Variants in SLIT3 observed in about 807,000 individuals in gnomAD.
SLIT3 encodes the protein slit homolog 3 protein.
In SLIT3, 68 loss-of-function variants were observed where a neutral mutation model predicts 184.0. The observed-to-expected ratio is 0.37, with a 90% CI of 0.30 to 0.45. The LOEUF (loss-of-function observed/expected upper bound fraction) is 0.45. SLIT3 is among the 20% of genes least tolerant of loss of function. The pLI is 1.00. For synonymous variants in SLIT3, 831 were observed against 828.6 expected (o/e 1.00, Z -0.05); for missense variants, 1,707 against 2,026.0 (o/e 0.84, Z 3.02).
intron 9 of SLIT3, among the ~76,000 whole-genome samples, chr5:168,804,142 A>T (rs986927760): frequency 6.6e-6 from 1 of 151,730 alleles, no homozygotes; most frequent in Non-Finnish European, 1.5e-5. Flanking sequence ...CCCCGTCTCT[A>T]CTAAAAGTAC....
intron 4 of SLIT3, among the ~76,000 whole-genome samples, chr5:169,015,482 G>A (rs1332561241): frequency 3.3e-5 from 5 of 152,212 alleles, no homozygotes; most frequent in South Asian, 2.1e-4. Flanking sequence ...AGCAGTGTCC[G>A]CTGCAACTGT....
intron 4 of SLIT3, among the ~76,000 whole-genome samples, chr5:168,972,853 T>C (rs1479030788): frequency 6.6e-6 from 1 of 152,236 alleles, no homozygotes; most frequent in African/African-American, 2.4e-5. Context: ...TCTCTCCTTC[T>C]GTTCGCAGGT....
intron 4 of SLIT3, among the ~76,000 whole-genome samples, chr5:169,114,753 T>A (rs988047630): frequency 1.3e-5 from 2 of 152,188 alleles, no homozygotes; most frequent in African/African-American, 4.8e-5. Context: ...GGAGGCCTGC[T>A]CTCACCACCT....
At chr5:168,713,498 G>C (rs909519142) in intron 23 of SLIT3, among the ~76,000 whole-genome samples, 2 of 152,128 alleles carry the variant, frequency 1.3e-5, no homozygotes, top group African/African-American at 2.4e-5. Context: ...AAACTCAAAG[G>C]CTTCTTTAGT....
rs149948210 is a variant in SLIT3, at chr5:169,224,487, C to A, written c.341+20218G>T. ...GAGTCAAGTGATCCTCCCACCTCAA[C>A]TTTCCAAGTAGCTGAGACTACAAGC... On this transcript the variant is annotated intron_variant, in intron 3 of 35. Transcript: ENST00000519560. Among the ~76,000 whole-genome samples, 524 of 151,878 alleles carry A rather than the reference C, an allele frequency of 3.5e-3. 2 individuals carry two copies. The highest frequency in any genetic ancestry group is 0.012 in the African/African-American group (500 of 41,400).
At position 169,089,011 on chromosome 5, in the gene SLIT3, C is replaced by T. The variant is rs535873603; in HGVS notation, c.413+104468G>A. Among the ~76,000 whole-genome samples, 5 of 60,654 alleles carry T rather than the reference C, an allele frequency of 8.2e-5. No homozygotes were observed. In the East Asian group the frequency reaches 2.7e-3, roughly 32 times the overall value. 39.8% of individuals were successfully genotyped at this position (60,654 alleles called of 152,430 possible). ...CTCCAGCCTGGGAGACAGAGCAAGA[C>T]TCCATCTCAAAAAAAAAAAAAAAAA... On this transcript the variant is annotated intron_variant, in intron 4 of 35. Transcript: ENST00000519560.
At chr5:169,183,703 C>G (rs1370614858) in intron 4 of SLIT3, among the ~76,000 whole-genome samples, 2 of 152,266 alleles carry the variant, frequency 1.3e-5, no homozygotes, top group South Asian at 2.1e-4. Context: ...CTTAAGCCAC[C>G]CTTCCAAAGA....
At chr5:168,726,371 G>GGA (rs1763110777) in intron 20 of SLIT3, among the ~76,000 whole-genome samples, 1 of 79,896 alleles carries the variant, frequency 1.3e-5, no homozygotes, top group Non-Finnish European at 2.9e-5. Context: ...AGGGAGGCAG[G>GGA]GAGGGAGAGG....
intron 29 of SLIT3, among the ~76,000 whole-genome samples, chr5:168,691,288 G>C (rs1382426391): frequency 6.6e-6 from 1 of 152,206 alleles, no homozygotes; most frequent in Non-Finnish European, 1.5e-5. Flanking sequence ...GATTCTAAGA[G>C]CTTACAAGTT....
At chr5:168,771,512 C>T (rs565533863) in intron 14 of SLIT3, among the ~76,000 whole-genome samples, 1 of 152,278 alleles carries the variant, frequency 6.6e-6, no homozygotes, top group East Asian at 1.9e-4. Context: ...GCAAAGGGCT[C>T]TCCTACTGAC....
Position 168,752,941 on chromosome 5 carries a change from C to G in SLIT3, c.1973+14G>C. ...ATCCCAGAGTCCGTGGGCAGTGGAC[C>G]CAGGAGAACTTACATGGTGGACAGG... is the stretch of plus-strand genomic sequence containing the variant. On this transcript the variant is annotated intron_variant, in intron 18 of 35. Transcript: ENST00000519560. 1.2e-6 allele frequency: 2 copies of G among 1,613,418 alleles called. No homozygotes were observed. Among genetic ancestry groups the G allele is most frequent in the Non-Finnish European group, 1.7e-6 (2 of 1,179,602 alleles).
At chr5:169,002,274 ATGCACTCCAC>A (rs1755729555) in intron 4 of SLIT3, among the ~76,000 whole-genome samples, 1 of 132,646 alleles carries the variant, frequency 7.5e-6, no homozygotes, top group Non-Finnish European at 1.6e-5. Context: ...GTGAGCCAGG[ATGCACTCCAC>A]TGCACTCCAG....
At chr5:169,051,543 G>C (rs920915619) in intron 4 of SLIT3, among the ~76,000 whole-genome samples, 2 of 152,142 alleles carry the variant, frequency 1.3e-5, no homozygotes, top group East Asian at 3.9e-4. Flanking sequence ...ATAAAGGGTA[G>C]AATTAGAGTT....
At chr5:168,727,288 C>A (rs1420050762) in intron 20 of SLIT3, among the ~76,000 whole-genome samples, 2 of 151,950 alleles carry the variant, frequency 1.3e-5, no homozygotes, top group Non-Finnish European at 2.9e-5. Context: ...CCACTGCACT[C>A]TAGCCTGGGC....
rs1319166988 is a variant in SLIT3 at position 168,817,322 on chromosome 5, C to T, written c.771G>A (p.Gln257=). 6.2e-6 allele frequency: 10 copies of T among 1,614,062 alleles called. No homozygotes were observed. The highest frequency in any genetic ancestry group is 8.5e-6 in the Non-Finnish European group (10 of 1,180,044). ...CACCTGGGCACACGTACTCCTTCTT[C>T]TGCACATCCGCCACGTTGAAGCCCC... ...HLRGFNVADV[Q]KKEYVCPAPH... The change falls in exon 8 of 36, where the codon CAG becomes CAA. Residue 257 remains glutamine, a synonymous_variant. Coordinates refer to ENST00000519560, the MANE Select transcript of SLIT3 (RefSeq NM_003062.4).
chr5:168,871,118 C>T (rs1759501226), intron 5 of SLIT3, among the ~76,000 whole-genome samples: 1 of 152,222 alleles, frequency 6.6e-6, no homozygotes, highest in Non-Finnish European at 1.5e-5. Flanking sequence ...AGGGTACAAT[C>T]TGTTTTCCTG....
At chr5:168,809,560 C>G (rs367821181) in intron 8 of SLIT3, among the ~76,000 whole-genome samples, 4 of 152,148 alleles carry the variant, frequency 2.6e-5, no homozygotes, top group African/African-American at 9.7e-5. Flanking sequence ...CAAGCCCATT[C>G]CCTGTGGGCC....
chr5:168,759,776 T>C (rs967425038), intron 16 of SLIT3, among the ~76,000 whole-genome samples: 10 of 151,876 alleles, frequency 6.6e-5, no homozygotes, highest in African/African-American at 2.4e-4. Flanking sequence ...TGTCAGTGAG[T>C]CGGCGAATTC....
chr5:169,138,090 A>T (rs1260199483), intron 4 of SLIT3, among the ~76,000 whole-genome samples: 1 of 152,198 alleles, frequency 6.6e-6, no homozygotes, highest in Non-Finnish European at 1.5e-5. Context: ...CAGTTTTCTC[A>T]TCTGGAAAAT....
Sources: allele counts gnomAD v4.1 joint callset (sites outside exome capture counted in the v4.1 genomes callset), GRCh38; gene constraint gnomAD v4.1.1; transcripts MANE v1.5; gene names NCBI Gene and HGNC (gene_info 2026-07-23, HGNC 2026-07-21).